The following DIP2C variants were observed in gnomAD, a reference collection of about 807,000 sequenced individuals.
DIP2C encodes the protein DIP2 acetate--CoA ligase C (putative), also known as disco-interacting protein 2 homolog C.
In DIP2C, 33 loss-of-function variants were observed where a neutral mutation model predicts 192.4. That is an observed-to-expected ratio of 0.17 (90% confidence interval 0.13 to 0.23). The LOEUF (loss-of-function observed/expected upper bound fraction) is 0.23. Ranked by LOEUF, DIP2C falls within the 10% of genes least tolerant of loss-of-function variation. DIP2C has a pLI of 1.00. For synonymous variants in DIP2C, 979 were observed against 864.1 expected (o/e 1.13, Z -2.33); for missense variants, 1,537 against 2,110.1 (o/e 0.73, Z 5.32).
At chr10:478,642 A>T (rs1416119442) in intron 2 of DIP2C, among the ~76,000 whole-genome samples, 1 of 141,178 alleles carries the variant, frequency 7.1e-6, no homozygotes, top group Non-Finnish European at 1.5e-5. Context: ...TTCTCAACTC[A>T]TCCCGTGTCT....
At chr10:558,333 TG>T (rs1240930679) in intron 1 of DIP2C, among the ~76,000 whole-genome samples, 1 of 152,078 alleles carries the variant, frequency 6.6e-6, no homozygotes, top group African/African-American at 2.4e-5. Flanking sequence ...TGAACCAGGA[TG>T]GGAGGACTCG....
intron 1 of DIP2C, among the ~76,000 whole-genome samples, chr10:563,507 C>T (rs888616977): frequency 3.9e-5 from 6 of 152,258 alleles, no homozygotes; most frequent in South Asian, 2.1e-4. Context: ...ATACAGTGTA[C>T]GTCAACATCC....
intron 31 of DIP2C, among the ~76,000 whole-genome samples, chr10:320,311 C>T (rs1029867865): frequency 6.6e-6 from 1 of 151,840 alleles, no homozygotes; most frequent in African/African-American, 2.4e-5. Context: ...AGTTTGAGAC[C>T]AGCCTGGCCA....
chr10:684,589 C>A (rs1564340466), intron 1 of DIP2C, among the ~76,000 whole-genome samples: 1 of 152,196 alleles, frequency 6.6e-6, no homozygotes, highest in Admixed American at 6.5e-5. Context: ...CTTACACAGG[C>A]GTGTGACTTC....
intron 1 of DIP2C, chr10:667,973 C>T (rs1369345767): frequency 6.6e-6 from 1 of 152,076 alleles, no homozygotes; most frequent in African/African-American, 2.4e-5. Flanking sequence ...CAACTCACAA[C>T]ACAACATGCA....
intron 1 of DIP2C, among the ~76,000 whole-genome samples, chr10:526,910 C>T (rs1847089434): frequency 6.6e-6 from 1 of 152,240 alleles, no homozygotes; most frequent in South Asian, 2.1e-4. Flanking sequence ...AGCCCTCCGC[C>T]TGTCCAGGTG....
intron 1 of DIP2C, among the ~76,000 whole-genome samples, chr10:580,127 C>T (rs548767772): frequency 2.0e-5 from 3 of 152,246 alleles, no homozygotes; most frequent in African/African-American, 4.8e-5. Flanking sequence ...CATCTATATA[C>T]ATGCATATAG....
intron 1 of DIP2C, among the ~76,000 whole-genome samples, chr10:531,029 C>T (rs1303610896): frequency 6.6e-6 from 1 of 152,038 alleles, no homozygotes; most frequent in Non-Finnish European, 1.5e-5. Flanking sequence ...TCCTTTCCCG[C>T]CAAAAGCTGC....
At chr10:384,464 C>A in intron 15 of DIP2C, 82 bp downstream of exon 15, 1 of 1,419,620 alleles carries the variant, frequency 7.0e-7, no homozygotes, top group South Asian at 1.2e-5. Flanking sequence ...TCTGGAACTC[C>A]TGACCTCAGG....
At chr10:294,011 T>C (rs1332202200) in intron 32 of DIP2C, among the ~76,000 whole-genome samples, 2 of 152,194 alleles carry the variant, frequency 1.3e-5, no homozygotes, top group Non-Finnish European at 2.9e-5. Flanking sequence ...ATTGCACAAA[T>C]GAAGTACCAA....
intron 19 of DIP2C, chr10:364,934 A>C: frequency 1.3e-5 from 7 of 540,838 alleles, no homozygotes; most frequent in Non-Finnish European, 2.2e-5. Context: ...ACGAGTGAAG[A>C]GTCAAGGTAC....
At chr10:454,131 C>T (rs921747287) in intron 3 of DIP2C, among the ~76,000 whole-genome samples, 4 of 152,200 alleles carry the variant, frequency 2.6e-5, no homozygotes, top group African/African-American at 9.7e-5. Flanking sequence ...AGATCTTTCT[C>T]GTTTTTTCTG....
At chr10:378,572 C>T (rs889509152) in intron 17 of DIP2C, among the ~76,000 whole-genome samples, 2 of 135,444 alleles carry the variant, frequency 1.5e-5, no homozygotes, top group Non-Finnish European at 1.6e-5. Context: ...CACAAACATG[C>T]AGACATGTGA....
At chr10:656,439 A>G (rs1315809963) in intron 1 of DIP2C, among the ~76,000 whole-genome samples, 2 of 152,220 alleles carry the variant, frequency 1.3e-5, no homozygotes, top group African/African-American at 4.8e-5. Context: ...ACATAAGAGC[A>G]GAGCCAGTTA....
intron 17 of DIP2C, among the ~76,000 whole-genome samples, chr10:380,729 T>C (rs11252023): frequency 0.078 from 11,825 of 152,288 alleles, 653 homozygotes; most frequent in Non-Finnish European, 0.12. Flanking sequence ...TTCATTTTGT[T>C]CTCATGCCAA....
chr10:479,109 C>CT (rs2133499751), intron 2 of DIP2C, among the ~76,000 whole-genome samples: 1 of 152,332 alleles, frequency 6.6e-6, no homozygotes, highest in Non-Finnish European at 1.5e-5. Flanking sequence ...CAGTCCCATT[C>CT]TCTCCAGGTC....
intron 1 of DIP2C, among the ~76,000 whole-genome samples, chr10:579,152 A>C (rs549965915): frequency 1.3e-5 from 2 of 152,224 alleles, no homozygotes; most frequent in South Asian, 4.1e-4. Flanking sequence ...TAGAGCATAC[A>C]CCCAGATACA....
At chr10:507,313 C>A (rs2050968) in intron 1 of DIP2C, among the ~76,000 whole-genome samples, 126,173 of 150,644 alleles carry the variant, frequency 0.84, 53,806 homozygotes, top group South Asian at 0.93. Flanking sequence ...ACCAGCTGCA[C>A]ACAATCAGAA....
intron 1 of DIP2C, among the ~76,000 whole-genome samples, chr10:578,180 C>T (rs1473740531): frequency 6.6e-6 from 1 of 152,178 alleles, no homozygotes; most frequent in Non-Finnish European, 1.5e-5. Context: ...CAAACAGTAC[C>T]TGAAGATGAA....
Sources: gnomAD v4.1 joint callset for allele counts (sites outside exome capture counted in the v4.1 genomes callset) on GRCh38, gnomAD v4.1.1 for gene constraint, MANE v1.5 for transcripts, NCBI Gene and HGNC (gene_info 2026-07-23, HGNC 2026-07-21) for gene names.